Variants in KCNH7 observed in about 807,000 individuals in gnomAD.
KCNH7 encodes the protein potassium voltage-gated channel subfamily H member 7, also known as voltage-gated inwardly rectifying potassium channel KCNH7.
KCNH7 carries 49 observed loss-of-function variants against 120.8 expected under a neutral mutation model. The ratio of observed to expected loss-of-function variants is 0.41; its 90% CI spans 0.32 to 0.51. The LOEUF is 0.51. Ranked by LOEUF, KCNH7 falls within the 20% of genes least tolerant of loss-of-function variation. The probability of loss-of-function intolerance (pLI) is 0.38; values close to 1 mark genes in which losing one functional copy is unlikely to be tolerated. For synonymous variants in KCNH7, 547 were observed against 516.1 expected, an observed-to-expected ratio of 1.06 and a Z score of -0.81; for missense variants, 1,097 against 1,446.6, an observed-to-expected ratio of 0.76 and a Z score of 3.92.
At chr2:162,479,591 A>G (rs1689857322) in intron 6 of KCNH7, among the ~76,000 whole-genome samples, 1 of 152,104 alleles carries the variant, frequency 6.6e-6, no homozygotes, top group Non-Finnish European at 1.5e-5. Flanking sequence ...TAAGATGAAA[A>G]GGAAACAATA....
intron 2 of KCNH7, among the ~76,000 whole-genome samples, chr2:162,736,278 A>C (rs1348649036): frequency 6.6e-6 from 1 of 152,188 alleles, no homozygotes; most frequent in Non-Finnish European, 1.5e-5. Context: ...CCAAAATTAA[A>C]TGTGATTATA....
intron 2 of KCNH7, among the ~76,000 whole-genome samples, chr2:162,604,223 A>C (rs1290080764): frequency 6.6e-6 from 1 of 152,126 alleles, no homozygotes; most frequent in Non-Finnish European, 1.5e-5. Context: ...CACATGGTTA[A>C]GTTGCTTTGG....
intron 6 of KCNH7, among the ~76,000 whole-genome samples, chr2:162,459,206 A>G (rs1482606346): frequency 6.6e-6 from 1 of 151,888 alleles, no homozygotes; most frequent in African/African-American, 2.4e-5. Flanking sequence ...GAAGCAGAAA[A>G]AAGGCATAAC....
chr2:162,737,031 TCTAA>T (rs1211248623), intron 2 of KCNH7, among the ~76,000 whole-genome samples: 3 of 152,094 alleles, frequency 2.0e-5, no homozygotes, highest in Non-Finnish European at 4.4e-5. Flanking sequence ...CACTCCAAAC[TCTAA>T]CTAAGAGAGA....
At chr2:162,558,175 C>CT (rs796790912) in intron 2 of KCNH7, among the ~76,000 whole-genome samples, 8,267 of 145,350 alleles carry the variant, frequency 0.057, 733 homozygotes, top group African/African-American at 0.19. Flanking sequence ...CCTCAAGCCT[C>CT]TTTTTTTTTT....
intron 2 of KCNH7, among the ~76,000 whole-genome samples, chr2:162,613,702 T>A (rs1455555361): frequency 4.6e-5 from 7 of 151,876 alleles, no homozygotes; most frequent in Non-Finnish European, 1.0e-4. Flanking sequence ...CCCATCTGAT[T>A]AAAATTTAGA....
At chr2:162,751,643 A>G (rs1004746135) in intron 2 of KCNH7, among the ~76,000 whole-genome samples, 1 of 152,012 alleles carries the variant, frequency 6.6e-6, no homozygotes, top group Non-Finnish European at 1.5e-5. Context: ...CTATTTGCAG[A>G]TTTGTAGCCC....
intron 6 of KCNH7, among the ~76,000 whole-genome samples, chr2:162,452,343 G>GA (rs1176654396): frequency 6.6e-6 from 1 of 151,888 alleles, no homozygotes; most frequent in South Asian, 2.1e-4. Context: ...TTTCCTGATT[G>GA]AAAAAAAGAA....
chr2:162,565,345 A>G (rs1276627143), intron 2 of KCNH7, among the ~76,000 whole-genome samples: 1 of 152,086 alleles, frequency 6.6e-6, no homozygotes, highest in Non-Finnish European at 1.5e-5. Context: ...TCCTAGGAAA[A>G]TCTCCATTTA....
chr2:162,762,740 T>C (rs1239276478), intron 2 of KCNH7, among the ~76,000 whole-genome samples: 1 of 152,138 alleles, frequency 6.6e-6, no homozygotes, highest in African/African-American at 2.4e-5. Context: ...TTTTATATGA[T>C]AGTTATAATA....
chr2:162,726,384 C>T (rs1687519930), intron 2 of KCNH7, among the ~76,000 whole-genome samples: 1 of 152,034 alleles, frequency 6.6e-6, no homozygotes, highest in African/African-American at 2.4e-5. Context: ...AACTCATATA[C>T]ATATTTCAAG....
chr2:162,728,237 T>C (rs969273506), intron 2 of KCNH7, among the ~76,000 whole-genome samples: 8 of 152,258 alleles, frequency 5.3e-5, no homozygotes, highest in Admixed American at 2.6e-4. Flanking sequence ...TTAAGTTGAA[T>C]TTCTCTAATG....
intron 2 of KCNH7, among the ~76,000 whole-genome samples, chr2:162,544,321 C>G (rs1368420529): frequency 6.6e-6 from 1 of 152,028 alleles, no homozygotes; most frequent in Non-Finnish European, 1.5e-5. Context: ...GGGCTAGGTA[C>G]CAGGATTAGC....
intron 10 of KCNH7, among the ~76,000 whole-genome samples, chr2:162,399,917 A>C (rs1236749933): frequency 1.3e-5 from 2 of 151,916 alleles, no homozygotes; most frequent in Non-Finnish European, 2.9e-5. Context: ...CTATTTTCCT[A>C]TATTTGGCCT....
chr2:162,434,545 A>G (rs1391686515), intron 8 of KCNH7, among the ~76,000 whole-genome samples: 6 of 152,082 alleles, frequency 3.9e-5, no homozygotes, highest in African/African-American at 1.4e-4. Context: ...ATCTTTTAAC[A>G]AAGCTTTTTT....
chr2:162,699,744 C>A (rs1686423944), intron 2 of KCNH7, among the ~76,000 whole-genome samples: 1 of 152,146 alleles, frequency 6.6e-6, no homozygotes, highest in South Asian at 2.1e-4. Flanking sequence ...TAAAGGACAG[C>A]TTTTCCTGTT....
intron 2 of KCNH7, among the ~76,000 whole-genome samples, chr2:162,701,933 G>C (rs1258203248): frequency 6.6e-6 from 1 of 151,986 alleles, no homozygotes; most frequent in East Asian, 1.9e-4. Context: ...CATGAACTTG[G>C]GAGGCGGAGG....
chr2:162,493,589 GA>G (rs1257367916), intron 6 of KCNH7, among the ~76,000 whole-genome samples: 1 of 152,140 alleles, frequency 6.6e-6, no homozygotes, highest in Admixed American at 6.6e-5. Context: ...AAGGCCTAGG[GA>G]CATATGGAAT....
At chr2:162,644,015 C>G (rs979841351) in intron 2 of KCNH7, among the ~76,000 whole-genome samples, 8 of 151,992 alleles carry the variant, frequency 5.3e-5, no homozygotes, top group African/African-American at 1.9e-4. Flanking sequence ...GGAGTCACCA[C>G]CATACTGCTC....
Sources: gnomAD v4.1 joint callset for allele counts (sites outside exome capture counted in the v4.1 genomes callset) on GRCh38, gnomAD v4.1.1 for gene constraint, MANE v1.5 for transcripts, NCBI Gene and HGNC (gene_info 2026-07-23, HGNC 2026-07-21) for gene names.